Variants in FGGY observed in about 807,000 individuals in gnomAD.
The protein encoded by FGGY is FGGY carbohydrate kinase domain-containing protein.
In FGGY, 72 loss-of-function variants were observed where a neutral mutation model predicts 71.3. The observed-to-expected ratio is 1.01, with a 90% CI of 0.84 to 1.23. The LOEUF is 1.23. Among genes scored for constraint, FGGY ranks in the 50% most tolerant of loss-of-function variants. The pLI is 0.00. For missense variants in FGGY, 668 were observed against 682.3 expected (o/e 0.98, Z 0.23); for synonymous variants, 251 against 250.3 (o/e 1.00, Z -0.02).
chr1:59,349,327 G>GGATA (rs1230126322), intron 4 of FGGY, among the ~76,000 whole-genome samples: 1 of 152,096 alleles, frequency 6.6e-6, no homozygotes, highest in Non-Finnish European at 1.5e-5. Context: ...AGTTTGGATT[G>GGATA]GATATATCAC....
chr1:59,575,315 A>G (rs2096059920), intron 8 of FGGY, among the ~76,000 whole-genome samples: 1 of 152,156 alleles, frequency 6.6e-6, no homozygotes, highest in Non-Finnish European at 1.5e-5. Flanking sequence ...TACTTCTATG[A>G]GTTCAACTTT....
intron 14 of FGGY, among the ~76,000 whole-genome samples, chr1:59,732,342 T>G (rs960603953): frequency 2.0e-5 from 3 of 152,154 alleles, no homozygotes; most frequent in African/African-American, 7.2e-5. Context: ...TCTCTTGTGC[T>G]CCTCTGTTTA....
chr1:59,556,427 C>T (rs953640199), intron 8 of FGGY, among the ~76,000 whole-genome samples: 2 of 152,124 alleles, frequency 1.3e-5, no homozygotes, highest in Non-Finnish European at 2.9e-5. Flanking sequence ...GGACCTAAAG[C>T]GTAGAAAAGT....
At chr1:59,480,286 A>G (rs993022775) in intron 6 of FGGY, among the ~76,000 whole-genome samples, 3 of 152,164 alleles carry the variant, frequency 2.0e-5, no homozygotes, top group South Asian at 2.1e-4. Context: ...CACTGTTTTC[A>G]TTGATCTCTG....
chr1:59,453,604 T>G (rs1285880776), intron 5 of FGGY, among the ~76,000 whole-genome samples: 1 of 152,132 alleles, frequency 6.6e-6, no homozygotes, highest in Non-Finnish European at 1.5e-5. Context: ...TGATCCAGAT[T>G]GAGCTCAGCT....
At chr1:59,525,022 A>T (rs2094938614) in intron 7 of FGGY, among the ~76,000 whole-genome samples, 1 of 152,168 alleles carries the variant, frequency 6.6e-6, no homozygotes, top group African/African-American at 2.4e-5. Context: ...CACTGTCTTT[A>T]AGGCTTTGAG....
At chr1:59,736,003 A>G (rs1163808694) in intron 14 of FGGY, among the ~76,000 whole-genome samples, 4 of 152,152 alleles carry the variant, frequency 2.6e-5, no homozygotes, top group Middle Eastern at 3.2e-3. Flanking sequence ...AGTGGGAGGT[A>G]ACTGAATCAT....
At chr1:59,600,363 T>C (rs2096565088) in intron 8 of FGGY, among the ~76,000 whole-genome samples, 1 of 152,136 alleles carries the variant, frequency 6.6e-6, no homozygotes, top group South Asian at 2.1e-4. Context: ...GAACAAGACA[T>C]GTCGATTAGC....
At chr1:59,509,655 C>T (rs993848478) in intron 6 of FGGY, among the ~76,000 whole-genome samples, 1 of 152,146 alleles carries the variant, frequency 6.6e-6, no homozygotes, top group Non-Finnish European at 1.5e-5. Context: ...TTGCTCAAGA[C>T]GCATCCTCTG....
At position 59,390,434 on chromosome 1, in the gene FGGY, G is replaced by A. The variant is rs569998453; in HGVS notation, c.554+11597G>A. ...CAAGATCACCTCATGGTCCAAGATGGCGGTTGAAGTTTCCATTATCAAGTC... is the reference window on the plus strand; with the variant it reads ...CAAGATCACCTCATGGTCCAAGATGACGGTTGAAGTTTCCATTATCAAGTC... On this transcript the variant is annotated intron_variant, in intron 5 of 15. Transcript: ENST00000303721. 6.1e-4 allele frequency among the ~76,000 whole-genome samples: 93 copies of A among 152,260 alleles called. 1 individual carries two copies. In the Middle Eastern group the frequency reaches 0.017, roughly 28 times the overall value.
intron 10 of FGGY, among the ~76,000 whole-genome samples, chr1:59,637,842 A>G (rs1466729248): frequency 1.3e-5 from 2 of 152,222 alleles, no homozygotes; most frequent in Admixed American, 6.5e-5. Context: ...ACAGTTTACA[A>G]AATACTGCGC....
At chr1:59,438,082 C>T (rs2068882412) in intron 5 of FGGY, among the ~76,000 whole-genome samples, 1 of 152,130 alleles carries the variant, frequency 6.6e-6, no homozygotes, top group South Asian at 2.1e-4. Context: ...TATTGAGGGC[C>T]AGTATATGGG....
chr1:59,730,324 G>C (rs1468753121), intron 14 of FGGY, among the ~76,000 whole-genome samples: 2 of 137,220 alleles, frequency 1.5e-5, no homozygotes, highest in African/African-American at 5.4e-5. Context: ...TTTTTTTTTT[G>C]GAGTAAGGAT....
At chr1:59,757,827 T>C in intron 14 of FGGY, 104 bp from the exon 15 acceptor site, 1 of 738,798 alleles carries the variant, frequency 1.4e-6, no homozygotes, top group South Asian at 1.8e-5. Context: ...TAACCAAATA[T>C]CTTAAAGGGA....
At position 59,512,315 on chromosome 1, in the gene FGGY, C is replaced by T; in HGVS notation, c.675C>T (p.Asn225=). The change falls in exon 7 of 16, where the codon AAC becomes AAT. Residue 225 remains asparagine, a synonymous_variant. Coordinates refer to ENST00000303721, the MANE Select transcript of FGGY (RefSeq NM_018291.5). ...FVADNYSKIG[N]QVLPPGASLG... is the part of the protein sequence containing the mutation. ...TTTTTTCTCATGTCTACCCAGGAAA[C>T]CAAGTGCTACCTCCTGGAGCTTCTC... is the stretch of plus-strand genomic sequence containing the variant. The T allele has an allele frequency of 6.2e-7, 1 of 1,606,624 alleles. No homozygotes were observed. Among genetic ancestry groups the T allele is most frequent in the Non-Finnish European group, 8.5e-7 (1 of 1,175,962 alleles).
rs531931724 is a variant in FGGY, at chr1:59,308,811, T to TA, written c.-15+11667dup. 2.9e-3 allele frequency among the ~76,000 whole-genome samples: 445 copies of TA among 152,340 alleles called. 6 individuals are homozygous for TA. The highest frequency in any genetic ancestry group is 0.01 in the African/African-American group (430 of 41,576). ...ATAGAGCTTTTGCTCTATTCTTTATTAAAAAATAATACAAATGGCATCATA... is the reference window on the plus strand; with the variant it reads ...ATAGAGCTTTTGCTCTATTCTTTATTAAAAAAATAATACAAATGGCATCATA... On this transcript the variant is annotated intron_variant, in intron 1 of 15. Transcript: ENST00000303721.
intron 8 of FGGY, 83 bp from the exon 9 acceptor site, chr1:59,607,720 T>C: frequency 9.6e-7 from 1 of 1,042,010 alleles, no homozygotes; most frequent in Non-Finnish European, 1.4e-6. Context: ...CTGAATTCCA[T>C]GGTCATAGAA....
chr1:59,744,791 A>G (rs577774919), intron 14 of FGGY, among the ~76,000 whole-genome samples: 1 of 152,292 alleles, frequency 6.6e-6, no homozygotes, highest in South Asian at 2.1e-4. Flanking sequence ...TATTTATATC[A>G]ATTTTGGGGA....
intron 10 of FGGY, among the ~76,000 whole-genome samples, chr1:59,632,037 A>G (rs1410171609): frequency 6.6e-6 from 1 of 152,204 alleles, no homozygotes; most frequent in Non-Finnish European, 1.5e-5. Context: ...GCTAGATTCA[A>G]GGTTGGCAGC....
Sources: allele counts gnomAD v4.1 joint callset (sites outside exome capture counted in the v4.1 genomes callset), GRCh38; gene constraint gnomAD v4.1.1; transcripts MANE v1.5; gene names NCBI Gene and HGNC (gene_info 2026-07-23, HGNC 2026-07-21).